Variants in PPP1R16B observed in about 807,000 individuals in gnomAD.
PPP1R16B encodes protein phosphatase 1 regulatory inhibitor subunit 16B.
PPP1R16B carries 14 observed loss-of-function variants against 61.7 expected under a neutral mutation model. The observed-to-expected ratio is 0.23, with a 90% CI of 0.15 to 0.35. The LOEUF is 0.35. PPP1R16B is among the 10% of genes least tolerant of loss of function. The pLI is 1.00. For synonymous variants in PPP1R16B, 266 were observed against 305.3 expected (o/e 0.87, Z 1.34); for missense variants, 547 against 752.5 (o/e 0.73, Z 3.19).
At chr20:38,912,571 A>T (rs1450781511) in intron 10 of PPP1R16B, among the ~76,000 whole-genome samples, 1 of 149,554 alleles carries the variant, frequency 6.7e-6, no homozygotes, top group Non-Finnish European at 1.5e-5. Flanking sequence ...AGGTCTTGTG[A>T]GGCTGAGGCA....
chr20:38,859,348 G>A (rs2085031433), intron 2 of PPP1R16B, among the ~76,000 whole-genome samples: 1 of 151,852 alleles, frequency 6.6e-6, no homozygotes, highest in South Asian at 2.1e-4. Context: ...AATCGATTGT[G>A]GTGGTGGTTG....
chr20:38,843,466 C>T (rs531542212), intron 2 of PPP1R16B, among the ~76,000 whole-genome samples: 2 of 152,344 alleles, frequency 1.3e-5, no homozygotes, highest in East Asian at 1.9e-4. Context: ...GCCTCAGTTC[C>T]CTGCCATGTG....
chr20:38,908,274 A>G, intron 10 of PPP1R16B, 81 bp downstream of exon 10: 1 of 1,536,264 alleles, frequency 6.5e-7, no homozygotes, highest in East Asian at 2.3e-5. Flanking sequence ...TGCCTCTTCA[A>G]CTGAGAGCCT....
intron 2 of PPP1R16B, among the ~76,000 whole-genome samples, chr20:38,858,664 C>G (rs2085025637): frequency 6.6e-6 from 1 of 152,164 alleles, no homozygotes; most frequent in South Asian, 2.1e-4. Flanking sequence ...CCATAAAACT[C>G]TGGAGAGGGC....
At chr20:38,851,031 G>A (rs764095651) in intron 2 of PPP1R16B, among the ~76,000 whole-genome samples, 4 of 151,912 alleles carry the variant, frequency 2.6e-5, no homozygotes, top group African/African-American at 7.2e-5. Flanking sequence ...CCACACCCCC[G>A]GAGACCTTTT....
chr20:38,863,344 G>A (rs575453023), intron 2 of PPP1R16B, among the ~76,000 whole-genome samples: 10 of 152,292 alleles, frequency 6.6e-5, no homozygotes, highest in Admixed American at 2.6e-4. Flanking sequence ...ATGCCTCTGT[G>A]ACTCAAAGAT....
chr20:38,857,776 A>C (rs1479213264), intron 2 of PPP1R16B, among the ~76,000 whole-genome samples: 2 of 151,774 alleles, frequency 1.3e-5, no homozygotes, highest in Non-Finnish European at 2.9e-5. Flanking sequence ...TGATGGTTGC[A>C]TTGACCCAAG....
chr20:38,841,426 G>A (rs367809903), intron 2 of PPP1R16B, among the ~76,000 whole-genome samples: 1 of 151,010 alleles, frequency 6.6e-6, no homozygotes, highest in African/African-American at 2.4e-5. Context: ...TACTTGGAAG[G>A]CTTAGGCAGG....
chr20:38,863,132 C>G (rs538198846), intron 2 of PPP1R16B, among the ~76,000 whole-genome samples: 2 of 152,256 alleles, frequency 1.3e-5, no homozygotes, highest in South Asian at 2.1e-4. Context: ...AGGAAGCCCA[C>G]CACCCAGGAG....
chr20:38,896,436 C>T (rs1013725322), intron 4 of PPP1R16B, among the ~76,000 whole-genome samples: 5 of 151,766 alleles, frequency 3.3e-5, no homozygotes, highest in Non-Finnish European at 7.4e-5. Context: ...CTCACCCTCT[C>T]CTCCCCTCAG....
At chr20:38,849,550 G>C (rs1012865088) in intron 2 of PPP1R16B, among the ~76,000 whole-genome samples, 2 of 151,982 alleles carry the variant, frequency 1.3e-5, no homozygotes, top group South Asian at 4.2e-4. Context: ...TATGACTTAA[G>C]TTTCCATTAG....
chr20:38,840,566 G>A (rs1213718844), intron 2 of PPP1R16B, among the ~76,000 whole-genome samples: 2 of 151,948 alleles, frequency 1.3e-5, no homozygotes, highest in African/African-American at 4.8e-5. Flanking sequence ...CCTCTGTCTG[G>A]GACACTCTTC....
intron 2 of PPP1R16B, among the ~76,000 whole-genome samples, chr20:38,865,553 AG>A (rs1253902448): frequency 6.6e-6 from 1 of 152,080 alleles, no homozygotes; most frequent in East Asian, 1.9e-4. Context: ...GGCCTCCTAA[AG>A]CACTGGGATT....
Position 38,861,239 on chromosome 20 carries a change from G to T in PPP1R16B, c.250+25064G>T, listed in dbSNP as rs77853658. ...CCTCTGTAAAACGGAAATAACCAGA[G>T]CTACCTGGTGGGATGTTGGCCCCCA... On this transcript the variant is annotated intron_variant, in intron 2 of 10. Transcript: ENST00000299824. 6.1e-3 allele frequency among the ~76,000 whole-genome samples: 922 copies of T among 152,320 alleles called. 4 individuals carry two copies. Among genetic ancestry groups the T allele is most frequent in the African/African-American group, 0.021 (870 of 41,570 alleles).
chr20:38,889,632 G>A lies in PPP1R16B; in HGVS notation c.288G>A (p.Leu96=). ...YFLKNKVSPD[L]CNEDGLTALH... is the part of the protein sequence containing the mutation. ...TGAAGAATAAGGTCAGCCCTGATTT[G>A]TGCAATGAGGACGGACTCACAGCCC... Residue 96 remains leucine (L), a synonymous_variant, in exon 3 of 11, where the codon TTG becomes TTA. Coordinates refer to ENST00000299824, the MANE Select transcript of PPP1R16B (RefSeq NM_015568.4). 1 of 1,601,176 alleles carries A rather than the reference G, an allele frequency of 6.2e-7. No individual in the cohort carries two copies. Among genetic ancestry groups the A allele is most frequent in the Non-Finnish European group, 8.6e-7 (1 of 1,168,128 alleles).
intron 2 of PPP1R16B, among the ~76,000 whole-genome samples, chr20:38,878,680 G>A (rs1307426501): frequency 6.6e-6 from 1 of 152,078 alleles, no homozygotes; most frequent in African/African-American, 2.4e-5. Context: ...CAGGGATCTG[G>A]GATAATACAT....
At chr20:38,883,555 C>T (rs908336918) in intron 2 of PPP1R16B, among the ~76,000 whole-genome samples, 1 of 152,152 alleles carries the variant, frequency 6.6e-6, no homozygotes, top group Non-Finnish European at 1.5e-5. Flanking sequence ...GTGAGGAGGG[C>T]GGGAGCCACC....
At chr20:38,855,982 A>AAGGAGGAGGAGGAGGAGG (rs1555804355) in intron 2 of PPP1R16B, among the ~76,000 whole-genome samples, 5 of 41,576 alleles carry the variant, frequency 1.2e-4, no homozygotes, top group Admixed American at 5.9e-4. Context: ...AGAGAGAGAG[A>AAGGAGGAGGAGGAGGAGG]AGGAGGAGGA....
intron 1 of PPP1R16B, among the ~76,000 whole-genome samples, chr20:38,810,614 A>G (rs1003359254): frequency 6.6e-6 from 1 of 152,162 alleles, no homozygotes; most frequent in African/African-American, 2.4e-5. Flanking sequence ...CTGAGAGAAG[A>G]GGGTAGAAGT....
Sources: allele counts gnomAD v4.1 joint callset (sites outside exome capture counted in the v4.1 genomes callset), GRCh38; gene constraint gnomAD v4.1.1; transcripts MANE v1.5; gene names NCBI Gene and HGNC (gene_info 2026-07-23, HGNC 2026-07-21).